Variants in TMSB15B observed in about 807,000 individuals in gnomAD.
The protein encoded by TMSB15B is thymosin beta 15B.
At chrX:103,941,337 G>A (rs1305244822) in intron 1 of TMSB15B, among the ~76,000 whole-genome samples, 1 of 111,699 alleles carries the variant, frequency 9.0e-6, no homozygotes, top group Admixed American at 9.5e-5. Context: ...TTCAATATAC[G>A]GTTTAAAACA....
intron 1 of TMSB15B, among the ~76,000 whole-genome samples, chrX:103,919,762 A>G (rs1452502540): frequency 9.8e-5 from 11 of 112,668 alleles, no homozygotes; most frequent in African/African-American, 3.5e-4. Flanking sequence ...TTCACAGATG[A>G]AGAAACTGAG....
chrX:103,941,620 G>T (rs782204817), intron 1 of TMSB15B, among the ~76,000 whole-genome samples: 1 of 111,769 alleles, frequency 8.9e-6, no homozygotes, highest in Admixed American at 9.5e-5. Context: ...TCTTGGTAAT[G>T]TACATAAACA....
intron 1 of TMSB15B, among the ~76,000 whole-genome samples, chrX:103,939,663 C>T (rs1300907970): frequency 3.6e-5 from 4 of 111,042 alleles, no homozygotes; most frequent in African/African-American, 6.5e-5. Flanking sequence ...TCTGTCAATT[C>T]GTCAAACTCA....
At chrX:103,926,867 A>G (rs1303694891) in intron 1 of TMSB15B, among the ~76,000 whole-genome samples, 1 of 106,852 alleles carries the variant, frequency 9.4e-6, no homozygotes, top group Non-Finnish European at 1.9e-5. Context: ...CAGCCTGGCC[A>G]TCATGTCCCT....
At position 103,947,262 on chromosome X, in the gene TMSB15B, A is replaced by G. The variant is rs1303632344; in HGVS notation, c.-720-14759A>G. Reference sequence around the variant, plus strand: ...AACCTAATGTTGAGCAAAAGAATCCAGACACAGAGGAGTATATACTGAAAG... The same window carrying G: ...AACCTAATGTTGAGCAAAAGAATCCGGACACAGAGGAGTATATACTGAAAG... On this transcript the variant is annotated intron_variant, in intron 1 of 3. Transcript: ENST00000419165. Among the ~76,000 whole-genome samples, 3 of 112,021 alleles carry G rather than the reference A, an allele frequency of 2.7e-5. No individual in the cohort carries two copies. The Admixed American group carries it at 2.9e-4, about 11-fold the overall frequency.
chrX:103,949,755 C>T (rs1230352746), intron 1 of TMSB15B, among the ~76,000 whole-genome samples: 4 of 111,746 alleles, frequency 3.6e-5, no homozygotes, highest in Non-Finnish European at 7.5e-5. Flanking sequence ...GAAGATCTGG[C>T]CTGCAGACAT....
intron 1 of TMSB15B, among the ~76,000 whole-genome samples, chrX:103,947,562 T>C (rs533696569): frequency 2.7e-5 from 3 of 112,371 alleles, no homozygotes; most frequent in African/African-American, 6.5e-5. Flanking sequence ...TTCTTATATA[T>C]GGCTCTCACC....
intron 1 of TMSB15B, among the ~76,000 whole-genome samples, chrX:103,950,682 A>G (rs1484193787): frequency 2.7e-5 from 3 of 110,164 alleles, no homozygotes; most frequent in Non-Finnish European, 3.8e-5. Context: ...AATGCTTCAA[A>G]TTCCACAAAA....
At chrX:103,932,318 G>A (rs1417277620) in intron 1 of TMSB15B, 9 of 111,502 alleles carry the variant, frequency 8.1e-5, no homozygotes, top group African/African-American at 2.9e-4. Flanking sequence ...GTAGATTTGT[G>A]TCAGAATTGA....
chrX:103,937,227 T>C (rs1409452342), intron 1 of TMSB15B, among the ~76,000 whole-genome samples: 17 of 112,219 alleles, frequency 1.5e-4, no homozygotes, highest in African/African-American at 5.5e-4. Context: ...TTGTTTGGAA[T>C]AGTTTCAGAA....
intron 1 of TMSB15B, chrX:103,929,046 T>C: frequency 9.0e-7 from 1 of 1,106,497 alleles, no homozygotes. Flanking sequence ...CATGCCACCT[T>C]TGTTATTCTG....
chrX:103,935,908 G>A (rs1304968145), intron 1 of TMSB15B, among the ~76,000 whole-genome samples: 29 of 100,493 alleles, frequency 2.9e-4, no homozygotes, highest in East Asian at 6.3e-4. Context: ...CTGCAATGGC[G>A]TGATCTCAGC....
chrX:103,942,761 T>C (rs1556325887), intron 1 of TMSB15B, among the ~76,000 whole-genome samples: 1 of 112,116 alleles, frequency 8.9e-6, no homozygotes, highest in East Asian at 2.8e-4. Context: ...TTCTTCATAG[T>C]GTTCAACATA....
At chrX:103,945,114 A>G (rs1449072045) in intron 1 of TMSB15B, among the ~76,000 whole-genome samples, 1 of 112,806 alleles carries the variant, frequency 8.9e-6, no homozygotes, top group Non-Finnish European at 1.9e-5. Flanking sequence ...TTGTGGCTGT[A>G]TCTGTTTTCT....
intron 1 of TMSB15B, among the ~76,000 whole-genome samples, chrX:103,922,507 T>C (rs184025914): frequency 9.1e-6 from 1 of 110,352 alleles, no homozygotes; most frequent in Admixed American, 9.7e-5. Context: ...GTTTCCAGCT[T>C]CATCCATGTC....
chrX:103,947,212 CACG>C (rs1293053638), intron 1 of TMSB15B, among the ~76,000 whole-genome samples: 2 of 111,386 alleles, frequency 1.8e-5, no homozygotes, highest in Non-Finnish European at 3.8e-5. Flanking sequence ...ACTACAAATT[CACG>C]ACAACATGGA....
At chrX:103,928,688 C>G (rs1556319391) in intron 1 of TMSB15B, 2 of 1,152,319 alleles carry the variant, frequency 1.7e-6, no homozygotes, top group East Asian at 6.0e-5. Context: ...TTCCAGGACC[C>G]CATGCAGGAT....
At chrX:103,927,128 T>C (rs782346825) in intron 1 of TMSB15B, among the ~76,000 whole-genome samples, 4 of 111,018 alleles carry the variant, frequency 3.6e-5, no homozygotes, top group African/African-American at 6.6e-5. Flanking sequence ...TAAGGAGCAA[T>C]AGTTTGGAGT....
intron 1 of TMSB15B, among the ~76,000 whole-genome samples, chrX:103,921,160 TG>T (rs1197868858): frequency 6.3e-5 from 7 of 111,879 alleles, no homozygotes; most frequent in African/African-American, 1.9e-4. Flanking sequence ...GATTTGGAGA[TG>T]AAGCACTTTC....
Sources: allele counts gnomAD v4.1 joint callset (sites outside exome capture counted in the v4.1 genomes callset), GRCh38; gene constraint gnomAD v4.1.1; transcripts MANE v1.5; gene names NCBI Gene and HGNC (gene_info 2026-07-23, HGNC 2026-07-21).